Variants in PLXNA2 observed in about 807,000 individuals in gnomAD.
The protein encoded by PLXNA2 is plexin A2.
Under a neutral mutation model 193.5 loss-of-function variants are expected in PLXNA2, and 91 were observed. The observed-to-expected ratio is 0.47, with a 90% confidence interval of 0.40 to 0.56. The LOEUF is 0.56. PLXNA2 is among the 20% of genes least tolerant of loss of function. The pLI, the probability that PLXNA2 is intolerant of heterozygous loss-of-function variation, is 0.00. For missense variants in PLXNA2, 1,995 were observed against 2,503.2 expected (o/e 0.80, Z 4.33); for synonymous variants, 997 against 1,027.3 (o/e 0.97, Z 0.56).
At chr1:208,132,183 T>C (rs1398454368) in intron 4 of PLXNA2, among the ~76,000 whole-genome samples, 3 of 152,168 alleles carry the variant, frequency 2.0e-5, no homozygotes, top group Admixed American at 1.3e-4. Context: ...TGCTTTCCTT[T>C]ATTGGTTTTT....
intron 17 of PLXNA2, 83 bp downstream of exon 17, chr1:208,050,926 C>G: frequency 5.1e-6 from 5 of 986,364 alleles, no homozygotes; most frequent in Non-Finnish European, 8.1e-6. Context: ...GGCTCCAGTG[C>G]CTAACCCAGA....
chr1:208,085,303 T>G (rs1156715110), intron 9 of PLXNA2, among the ~76,000 whole-genome samples: 1 of 152,184 alleles, frequency 6.6e-6, no homozygotes, highest in Non-Finnish European at 1.5e-5. Flanking sequence ...GCCAATCTCC[T>G]CTTTCTCCTT....
chr1:208,142,385 G>A lies in PLXNA2; in HGVS notation c.1450C>T (p.Arg484Trp), dbSNP rs773351580. The A allele has an allele frequency of 1.4e-5, 22 of 1,613,836 alleles. No individual in the cohort carries two copies. In the African/African-American group the frequency reaches 2.0e-4, roughly 15 times the overall value. Reference protein sequence around the residue: ...SVLKDGSPILRDMAFSIDQRY... With the variant: ...SVLKDGSPILWDMAFSIDQRY... ...TGATCAATGGAGAAGGCCATGTCCC[G>A]GAGGATGGGGCTTCCGTCCTTGAGC... The change falls in exon 4 of 32, where the codon CGG (arginine) becomes TGG (tryptophan). Residue 484 changes from arginine to tryptophan, a missense_variant. Physicochemically the swap from Arg to Trp is moderately radical, Grantham distance 101 (BLOSUM62 -3). This residue lies in a region of PLXNA2 where 702 missense variants were observed against 812.9 expected (regional missense o/e 0.86). Coordinates refer to ENST00000367033, the MANE Select transcript of PLXNA2 (RefSeq NM_025179.4).
intron 3 of PLXNA2, chr1:208,210,063 C>A (rs1003663571): frequency 2.2e-5 from 7 of 311,412 alleles, no homozygotes; most frequent in East Asian, 7.2e-5. Flanking sequence ...TATTGAAATA[C>A]GCTTGCATTC....
chr1:208,154,678 T>A (rs528929538), intron 3 of PLXNA2, among the ~76,000 whole-genome samples: 1 of 152,290 alleles, frequency 6.6e-6, no homozygotes, highest in East Asian at 1.9e-4. Flanking sequence ...TCTTCATAGA[T>A]TTTTTTTGAT....
At chr1:208,079,190 A>T in intron 12 of PLXNA2, 70 bp downstream of exon 12, 1 of 1,331,934 alleles carries the variant, frequency 7.5e-7, no homozygotes, top group Non-Finnish European at 1.0e-6. Flanking sequence ...CTCAATTTGC[A>T]CTCCTCTCCC....
chr1:208,027,967 C>A, intron 31 of PLXNA2, 42 bp downstream of exon 31: 1 of 1,519,194 alleles, frequency 6.6e-7, no homozygotes, highest in Admixed American at 2.0e-5. Context: ...GCTTCCTGCT[C>A]CTTGCCTGTT....
chr1:208,123,271 C>T (rs528448079), intron 4 of PLXNA2, among the ~76,000 whole-genome samples: 1 of 152,140 alleles, frequency 6.6e-6, no homozygotes, highest in African/African-American at 2.4e-5. Flanking sequence ...AATTCAGAGG[C>T]AAGAAGGTGA....
chr1:208,136,293 C>T (rs1668299578), intron 4 of PLXNA2, among the ~76,000 whole-genome samples: 1 of 152,216 alleles, frequency 6.6e-6, no homozygotes, highest in Non-Finnish European at 1.5e-5. Context: ...AAAATATCCC[C>T]AAACCTGGGG....
intron 3 of PLXNA2, among the ~76,000 whole-genome samples, chr1:208,166,400 C>G (rs1669310012): frequency 6.6e-6 from 1 of 152,222 alleles, no homozygotes. Context: ...GACAAAAAGA[C>G]ATGATCATTG....
At chr1:208,226,043 C>T (rs1045816540) in intron 1 of PLXNA2, among the ~76,000 whole-genome samples, 10 of 152,152 alleles carry the variant, frequency 6.6e-5, no homozygotes, top group African/African-American at 2.2e-4. Context: ...TGCAGGCACA[C>T]GAAAATTTGC....
At chr1:208,081,660 G>T (rs1263125633) in intron 11 of PLXNA2, among the ~76,000 whole-genome samples, 1 of 152,148 alleles carries the variant, frequency 6.6e-6, no homozygotes, top group African/African-American at 2.4e-5. Flanking sequence ...TCTAGAAAAT[G>T]AGAATAATAA....
At chr1:208,156,075 G>A (rs1482281749) in intron 3 of PLXNA2, among the ~76,000 whole-genome samples, 1 of 152,094 alleles carries the variant, frequency 6.6e-6, no homozygotes, top group Non-Finnish European at 1.5e-5. Context: ...TCCAAGTCCT[G>A]GGCATTTCCT....
At chr1:208,144,167 G>C (rs1331834937) in intron 3 of PLXNA2, among the ~76,000 whole-genome samples, 1 of 152,138 alleles carries the variant, frequency 6.6e-6, no homozygotes, top group Non-Finnish European at 1.5e-5. Context: ...ACCACACTGA[G>C]AGCTCCTCAG....
intron 3 of PLXNA2, among the ~76,000 whole-genome samples, chr1:208,174,873 A>G (rs1010831523): frequency 6.6e-6 from 1 of 152,216 alleles, no homozygotes; most frequent in South Asian, 2.1e-4. Context: ...CCCCGAGGAA[A>G]TGAGCTGGTG....
intron 3 of PLXNA2, among the ~76,000 whole-genome samples, chr1:208,161,396 C>T (rs186094842): frequency 1.3e-5 from 2 of 152,180 alleles, no homozygotes; most frequent in African/African-American, 4.8e-5. Context: ...TTATTTTTTG[C>T]TTCTTCAAAG....
In PLXNA2 at chr1:208,158,868, C is replaced by T. The variant is rs543583299; in HGVS notation, c.1372-16405G>A. 5.3e-5 allele frequency among the ~76,000 whole-genome samples: 8 copies of T among 152,318 alleles called. No individual in the cohort carries two copies. In the East Asian group the frequency reaches 1.5e-3, roughly 29 times the overall value. ...CTGTCGGGTTCTCCAACAAATGGGTCGCTTTTCTTGGCTTTCAAGATCCTC... is the reference window on the plus strand; with the variant it reads ...CTGTCGGGTTCTCCAACAAATGGGTTGCTTTTCTTGGCTTTCAAGATCCTC... On this transcript the variant is annotated intron_variant, in intron 3 of 31. Coordinates refer to ENST00000367033, the MANE Select transcript of PLXNA2 (RefSeq NM_025179.4).
intron 9 of PLXNA2, among the ~76,000 whole-genome samples, chr1:208,086,789 C>CAA (rs11355579): frequency 0.1 from 13,013 of 125,664 alleles, 772 homozygotes; most frequent in Middle Eastern, 0.17. Flanking sequence ...TATTTATAGC[C>CAA]AAAAAAAAAA....
At chr1:208,159,603 C>T (rs1011632744) in intron 3 of PLXNA2, among the ~76,000 whole-genome samples, 1 of 152,256 alleles carries the variant, frequency 6.6e-6, no homozygotes, top group Admixed American at 6.5e-5. Context: ...CAGCCAAGGG[C>T]TGGTCAACTC....
Sources: allele counts gnomAD v4.1 joint callset (sites outside exome capture counted in the v4.1 genomes callset), GRCh38; gene constraint gnomAD v4.1.1; regional missense constraint gnomAD v4.1.1; transcripts MANE v1.5; gene names NCBI Gene and HGNC (gene_info 2026-07-23, HGNC 2026-07-21).